C8orf34: variants seen among roughly 807,000 people sequenced by gnomAD.
C8orf34 encodes chromosome 8 open reading frame 34.
C8orf34 carries 65 observed loss-of-function variants against 68.3 expected under a neutral mutation model. The observed-to-expected ratio is 0.95, with a 90% CI of 0.78 to 1.17. The LOEUF (loss-of-function observed/expected upper bound fraction) is 1.17, where lower values mean the gene tolerates loss of function less well. Among genes scored for constraint, C8orf34 ranks in the 50% most tolerant of loss-of-function variants. C8orf34 has a pLI of 0.00. For synonymous variants in C8orf34, 244 were observed against 241.2 expected, an observed-to-expected ratio of 1.01 and a Z score of -0.11; for missense variants, 664 against 655.4, an observed-to-expected ratio of 1.01 and a Z score of -0.14.
intron 7 of C8orf34, among the ~76,000 whole-genome samples, chr8:68,638,955 T>C (rs975563672): frequency 6.6e-6 from 1 of 152,032 alleles, no homozygotes; most frequent in Non-Finnish European, 1.5e-5. Flanking sequence ...AAATCACGGG[T>C]TCACTTCTTC....
At chr8:68,549,834 C>T (rs899886577) in intron 7 of C8orf34, among the ~76,000 whole-genome samples, 1 of 151,680 alleles carries the variant, frequency 6.6e-6, no homozygotes, top group Non-Finnish European at 1.5e-5. Context: ...TAATCAACTC[C>T]TTTATTGTTC....
At chr8:68,361,291 T>G (rs1806984524) in intron 1 of C8orf34, among the ~76,000 whole-genome samples, 1 of 152,194 alleles carries the variant, frequency 6.6e-6, no homozygotes, top group Non-Finnish European at 1.5e-5. Flanking sequence ...ACTGAAGGGT[T>G]GCTCCAACAG....
intron 7 of C8orf34, among the ~76,000 whole-genome samples, chr8:68,568,165 A>G (rs1236736766): frequency 1.3e-5 from 2 of 152,140 alleles, no homozygotes; most frequent in South Asian, 2.1e-4. Context: ...GGAACACCAC[A>G]CATCACTGAT....
intron 3 of C8orf34, among the ~76,000 whole-genome samples, chr8:68,453,199 G>A (rs1811417456): frequency 6.6e-6 from 1 of 151,962 alleles, no homozygotes; most frequent in Admixed American, 6.6e-5. Context: ...AAATTGGGAA[G>A]TATGAGTCCT....
chr8:68,658,457 A>G (rs1473476267), intron 8 of C8orf34, among the ~76,000 whole-genome samples: 1 of 152,006 alleles, frequency 6.6e-6, no homozygotes, highest in Admixed American at 6.6e-5. Flanking sequence ...AAGTTCTTTT[A>G]TTTTTGCTTG....
At chr8:68,491,193 C>A (rs964656781) in intron 5 of C8orf34, among the ~76,000 whole-genome samples, 5 of 150,842 alleles carry the variant, frequency 3.3e-5, no homozygotes, top group African/African-American at 9.7e-5. Flanking sequence ...ATCATTAATT[C>A]TATTTAAAAT....
rs528807726 is a variant in C8orf34, at chr8:68,432,341, T to C, written c.328-7158T>C. On this transcript the variant is annotated intron_variant, in intron 1 of 13. Coordinates refer to ENST00000518698, the MANE Select transcript of C8orf34 (RefSeq NM_052958.4). ...TATTTATTTTTTGAAACAGAGTATC[T>C]CTCTGTTGCCCCGGGCTGGAGTGCA... Among the ~76,000 whole-genome samples, 36 of 152,104 alleles carry C rather than the reference T, an allele frequency of 2.4e-4. No individual in the cohort carries two copies. In the East Asian group the frequency reaches 6.7e-3, roughly 29 times the overall value.
At chr8:68,711,042 G>A (rs947292403) in intron 9 of C8orf34, among the ~76,000 whole-genome samples, 6 of 152,138 alleles carry the variant, frequency 3.9e-5, no homozygotes, top group Non-Finnish European at 7.3e-5. Context: ...TAGCTCCACT[G>A]GATGGCTAGA....
At chr8:68,559,768 G>A (rs1257320468) in intron 7 of C8orf34, among the ~76,000 whole-genome samples, 2 of 152,182 alleles carry the variant, frequency 1.3e-5, no homozygotes. Context: ...AAGGGAGTCG[G>A]TTAGATGAAC....
At chr8:68,718,233 G>A (rs536004233) in intron 9 of C8orf34, among the ~76,000 whole-genome samples, 4 of 151,936 alleles carry the variant, frequency 2.6e-5, no homozygotes, top group East Asian at 3.9e-4. Context: ...GTTACCCATC[G>A]TGCCCAATAC....
In C8orf34 at chr8:68,414,533, A is replaced by G. The variant is rs1462322586; in HGVS notation, c.328-24966A>G. On this transcript the variant is annotated intron_variant, in intron 1 of 13. Transcript: ENST00000518698. ...AAGCTTTTAGTAACACTATTGACAT[A>G]ATTTATTCATTCTTTCGTTTATCAA... Among the ~76,000 whole-genome samples, 7 of 152,276 alleles carry G rather than the reference A, an allele frequency of 4.6e-5. No individual in the cohort carries two copies. In the South Asian group the frequency reaches 8.3e-4, roughly 18 times the overall value.
intron 10 of C8orf34, among the ~76,000 whole-genome samples, chr8:68,743,534 C>A (rs141678472): frequency 6.6e-6 from 1 of 152,100 alleles, no homozygotes; most frequent in African/African-American, 2.4e-5. Flanking sequence ...GCACACCGTG[C>A]GCAAGCCGAA....
chr8:68,798,123 TA>T lies in C8orf34; in HGVS notation c.1549+10592del, dbSNP rs535486539. 1.9e-3 allele frequency among the ~76,000 whole-genome samples: 287 copies of T among 148,016 alleles called. 2 individuals are homozygous for T. Among genetic ancestry groups the T allele is most frequent in the Non-Finnish European group, 3.2e-3 (218 of 67,448 alleles). On this transcript the variant is annotated intron_variant, in intron 12 of 13. Transcript: ENST00000518698. ...AGAAATCTTGATAATTTTTCCTTTT[TA>T]AAAATTTTATTTATTTGTTTATTTA...
intron 7 of C8orf34, among the ~76,000 whole-genome samples, chr8:68,586,171 A>T (rs1231361698): frequency 2.6e-5 from 4 of 152,172 alleles, no homozygotes; most frequent in Non-Finnish European, 5.9e-5. Flanking sequence ...TCTACATTAG[A>T]GGGGGAGAAA....
chr8:68,404,413 C>T (rs895595961), intron 1 of C8orf34, among the ~76,000 whole-genome samples: 17 of 152,004 alleles, frequency 1.1e-4, no homozygotes, highest in Admixed American at 1.0e-3. Flanking sequence ...CTTTTGTTGC[C>T]ATTGCTTTTG....
At chr8:68,463,730 A>G (rs1397420032) in intron 3 of C8orf34, among the ~76,000 whole-genome samples, 12 of 152,242 alleles carry the variant, frequency 7.9e-5, no homozygotes, top group Non-Finnish European at 1.6e-4. Context: ...GGCCTTTGAA[A>G]AAATTCAACA....
intron 5 of C8orf34, among the ~76,000 whole-genome samples, chr8:68,491,190 A>C (rs1345180204): frequency 6.6e-6 from 1 of 152,012 alleles, no homozygotes; most frequent in Non-Finnish European, 1.5e-5. Context: ...AGAATCATTA[A>C]TTCTATTTAA....
intron 1 of C8orf34, among the ~76,000 whole-genome samples, chr8:68,369,968 A>G (rs1807488146): frequency 1.3e-5 from 2 of 152,212 alleles, no homozygotes; most frequent in Admixed American, 6.5e-5. Context: ...TGGGTTGTCC[A>G]GGACATTGTG....
At chr8:68,415,019 C>T (rs1291057931) in intron 1 of C8orf34, among the ~76,000 whole-genome samples, 1 of 152,172 alleles carries the variant, frequency 6.6e-6, no homozygotes, top group East Asian at 1.9e-4. Context: ...AAATTTGAGA[C>T]CCACAGTGTC....
Sources: allele counts gnomAD v4.1 joint callset (sites outside exome capture counted in the v4.1 genomes callset), GRCh38; gene constraint gnomAD v4.1.1; transcripts MANE v1.5; gene names NCBI Gene and HGNC (gene_info 2026-07-23, HGNC 2026-07-21).